The following MYO1E variants were observed in gnomAD, a reference collection of about 807,000 sequenced individuals.
MYO1E encodes the protein unconventional myosin-Ie.
A neutral mutation model predicts 151.1 loss-of-function variants in MYO1E; 68 were observed. The ratio of observed to expected loss-of-function variants is 0.45; its 90% CI spans 0.37 to 0.55. The LOEUF is 0.55. Ranked by LOEUF, MYO1E falls within the 20% of genes least tolerant of loss-of-function variation. The pLI, the probability that MYO1E is intolerant of heterozygous loss-of-function variation, is 0.00. For synonymous variants in MYO1E, 601 were observed against 501.7 expected (o/e 1.20, Z -2.64); for missense variants, 1,363 against 1,389.3 (o/e 0.98, Z 0.30).
chr15:59,165,814 A>G (rs1424768112), intron 22 of MYO1E, among the ~76,000 whole-genome samples: 2 of 152,234 alleles, frequency 1.3e-5, no homozygotes, highest in African/African-American at 2.4e-5. Flanking sequence ...AGTGCATGCA[A>G]AAGACCAGAG....
chr15:59,184,107 A>G (rs2079681201), intron 18 of MYO1E, among the ~76,000 whole-genome samples: 1 of 152,164 alleles, frequency 6.6e-6, no homozygotes, highest in South Asian at 2.1e-4. Context: ...CTTGGGTTCC[A>G]GCAATCCTTT....
intron 26 of MYO1E, among the ~76,000 whole-genome samples, chr15:59,146,652 A>G (rs1282842565): frequency 2.0e-5 from 3 of 151,554 alleles, no homozygotes; most frequent in Non-Finnish European, 4.4e-5. Flanking sequence ...CAGACTCACA[A>G]TAACTTATTT....
In MYO1E at chr15:59,293,514, C is replaced by A. The variant is rs181690922; in HGVS notation, c.4-21065G>T. On this transcript the variant is annotated intron_variant, in intron 1 of 27. Transcript: ENST00000288235. ...TGAGCCAAGATCACACCACTGCACT[C>A]CAGCCTGGGTGACAGAGTGAGACTC... 7.1e-3 allele frequency among the ~76,000 whole-genome samples: 1,073 copies of A among 151,712 alleles called. 5 individuals carry two copies. Among genetic ancestry groups the A allele is most frequent in the Non-Finnish European group, 0.012 (822 of 67,922 alleles).
chr15:59,361,541 T>C (rs1462001396), intron 1 of MYO1E, among the ~76,000 whole-genome samples: 1 of 152,222 alleles, frequency 6.6e-6, no homozygotes, highest in Non-Finnish European at 1.5e-5. Context: ...ATTCTTGGAA[T>C]GCTACTGTAT....
chr15:59,189,044 T>C (rs1385518952), intron 17 of MYO1E, among the ~76,000 whole-genome samples: 1 of 152,220 alleles, frequency 6.6e-6, no homozygotes, highest in African/African-American at 2.4e-5. Context: ...ATTATAGTTT[T>C]AGTTGATTTC....
chr15:59,182,089 C>CAA (rs1469215720), intron 18 of MYO1E, among the ~76,000 whole-genome samples: 3 of 152,192 alleles, frequency 2.0e-5, no homozygotes, highest in Admixed American at 6.5e-5. Context: ...AGTGGGACTT[C>CAA]AAGCCACTTT....
At position 59,138,194 on chromosome 15, in the gene MYO1E, T is replaced by C. The variant is rs748002235; in HGVS notation, c.3250+4A>G. 52 of 1,614,028 alleles carry C rather than the reference T, an allele frequency of 3.2e-5. No individual in the cohort carries two copies. Among genetic ancestry groups the C allele is most frequent in the Non-Finnish European group, 4.2e-5 (49 of 1,180,020 alleles). Reference sequence around the variant, plus strand: ...CTGTCCCAGCCAACCAGCCACACACTTACCTTCTTTGATAATATCAATAAT... The same window carrying C: ...CTGTCCCAGCCAACCAGCCACACACCTACCTTCTTTGATAATATCAATAAT... On this transcript the variant is annotated splice_donor_region_variant and intron_variant, in intron 27 of 27. Transcript: ENST00000288235.
rs1389453244 is a variant in MYO1E, at chr15:59,135,981, C to A, written c.*1399G>T. On this transcript the variant is annotated 3_prime_UTR_variant, in exon 28 of 28. Coordinates refer to ENST00000288235, the MANE Select transcript of MYO1E (RefSeq NM_004998.4). ...ACCACAAACCGAGTGGCTTAAACAG[C>A]GAAATGTATTGCCTCACAGTTCTGG... is the stretch of plus-strand genomic sequence containing the variant. 6.6e-6 allele frequency: 1 copy of A among 152,156 alleles called. No individual in the cohort carries two copies. The highest frequency in any genetic ancestry group is 1.5e-5 in the Non-Finnish European group (1 of 68,048). The allele number at this position is 152,156 out of a possible 1,614,324, so 9.4% of individuals were successfully genotyped here. A position where few individuals can be genotyped will look rare whatever the true frequency, so the allele number is the denominator to read the frequency against.
intron 25 of MYO1E, 42 bp downstream of exon 25, chr15:59,158,245 C>T (rs1476038491): frequency 6.9e-7 from 1 of 1,444,652 alleles, no homozygotes; most frequent in Non-Finnish European, 9.5e-7. Flanking sequence ...AGTTATGGGT[C>T]CAGATTTAGT....
chr15:59,261,499 C>G lies in MYO1E; in HGVS notation c.158G>C (p.Gly53Ala). 6.3e-7 allele frequency: 1 copy of G among 1,597,006 alleles called. No individual in the cohort carries two copies. Among genetic ancestry groups the G allele is most frequent in the Non-Finnish European group, 8.6e-7 (1 of 1,164,708 alleles). Residue 53 changes from glycine (G) to alanine (A), a missense_variant, in exon 3 of 28, where the codon GGA becomes GCA. Coordinates refer to ENST00000288235, the MANE Select transcript of MYO1E (RefSeq NM_004998.4). ...AGGGTTGACTGAGATTAATACAGAT[C>G]CTATATATGTCTGAATTTAACTCAG... ...YMDDYIFTYI[G>A]SVLISVNPFK... is the part of the protein sequence containing the mutation.
intron 1 of MYO1E, among the ~76,000 whole-genome samples, chr15:59,317,539 T>TCGGAGCAGCTTCCAGCCCCGGAAAACAG (rs371197525): frequency 0.031 from 4,758 of 152,244 alleles, 169 homozygotes; most frequent in African/African-American, 0.09. Flanking sequence ...AGATGACCAC[T>TCGGAGCAGCTTCCAGCCCCGGAAAACAG]CAGGCCAAAC....
At chr15:59,220,448 C>CAAAACA (rs1199185825) in intron 9 of MYO1E, among the ~76,000 whole-genome samples, 1 of 152,002 alleles carries the variant, frequency 6.6e-6, no homozygotes, top group Non-Finnish European at 1.5e-5. Flanking sequence ...GACTCTGTCT[C>CAAAACA]AAAACAAAAA....
intron 9 of MYO1E, among the ~76,000 whole-genome samples, chr15:59,219,930 A>C (rs2079943620): frequency 1.3e-5 from 2 of 152,320 alleles, no homozygotes; most frequent in East Asian, 1.9e-4. Flanking sequence ...CTTCTTTGCG[A>C]TGTGTGCATT....
chr15:59,262,290 G>A (rs1307271181), intron 2 of MYO1E, among the ~76,000 whole-genome samples: 3 of 152,030 alleles, frequency 2.0e-5, no homozygotes, highest in Non-Finnish European at 4.4e-5. Context: ...CTGTTCTCCA[G>A]AAGCTTAGAG....
chr15:59,371,841 C>T (rs1483314054), intron 1 of MYO1E, among the ~76,000 whole-genome samples: 3 of 151,620 alleles, frequency 2.0e-5, no homozygotes, highest in African/African-American at 7.2e-5. Context: ...GTGGTTGCCG[C>T]CCGCGCCCGA....
At chr15:59,166,200 T>C (rs2079561960) in intron 22 of MYO1E, among the ~76,000 whole-genome samples, 1 of 152,220 alleles carries the variant, frequency 6.6e-6, no homozygotes, top group African/African-American at 2.4e-5. Flanking sequence ...CAGACCACCT[T>C]CACCCAGGCC....
chr15:59,175,885 A>G (rs1490857479), intron 19 of MYO1E, among the ~76,000 whole-genome samples: 1 of 152,090 alleles, frequency 6.6e-6, no homozygotes, highest in Non-Finnish European at 1.5e-5. Context: ...GAAATTAGGG[A>G]GGTTCAAGAA....
In MYO1E at chr15:59,136,126, A is replaced by G. The variant is rs1163033866; in HGVS notation, c.*1254T>C. 1 of 152,476 alleles carries G rather than the reference A, an allele frequency of 6.6e-6. No homozygotes were observed. The highest frequency in any genetic ancestry group is 2.4e-5 in the African/African-American group (1 of 41,410). The allele number at this position is 152,476 out of a possible 1,614,324, so 9.4% of individuals were successfully genotyped here. A position where few individuals can be genotyped will look rare whatever the true frequency, so the allele number is the denominator to read the frequency against. ...GGCTGTCTTCTCCCTGCCTTTTCAC[A>G]TGGTCTTTCCTCTGGCATGTTGGTC... On this transcript the variant is annotated 3_prime_UTR_variant, in exon 28 of 28. Transcript: ENST00000288235.
At chr15:59,347,955 G>A (rs1218608272) in intron 1 of MYO1E, among the ~76,000 whole-genome samples, 3 of 152,182 alleles carry the variant, frequency 2.0e-5, no homozygotes, top group South Asian at 2.1e-4. Context: ...CAAGACCCAC[G>A]TCATTTTCAA....
Sources: allele counts gnomAD v4.1 joint callset (sites outside exome capture counted in the v4.1 genomes callset), GRCh38; gene constraint gnomAD v4.1.1; transcripts MANE v1.5; gene names NCBI Gene and HGNC (gene_info 2026-07-23, HGNC 2026-07-21).